The following NTM variants were observed in gnomAD, a reference collection of about 807,000 sequenced individuals.
NTM encodes the protein IgLON family member 2.
A neutral mutation model predicts 42.1 loss-of-function variants in NTM; 13 were observed. The ratio of observed to expected loss-of-function variants is 0.31; its 90% confidence interval spans 0.20 to 0.49. The LOEUF is 0.49. Among genes scored for constraint, NTM ranks in the 20% least tolerant of loss-of-function variants. The probability of loss-of-function intolerance (pLI) is 0.99; values close to 1 mark genes in which losing one functional copy is unlikely to be tolerated. For missense variants in NTM, 373 were observed against 452.8 expected (o/e 0.82, Z 1.60); for synonymous variants, 187 against 179.2 (o/e 1.04, Z -0.35).
intron 7 of NTM, among the ~76,000 whole-genome samples, chr11:132,326,578 C>T (rs777137283): frequency 6.6e-6 from 1 of 152,212 alleles, no homozygotes; most frequent in Non-Finnish European, 1.5e-5. Flanking sequence ...TGCCAACTTG[C>T]TACTCTGATT....
chr11:131,412,259 G>A (rs752070781), intron 1 of NTM, among the ~76,000 whole-genome samples: 8 of 152,082 alleles, frequency 5.3e-5, no homozygotes, highest in South Asian at 2.1e-4. Flanking sequence ...AAACAATGAC[G>A]GACTCAGCAG....
intron 3 of NTM, among the ~76,000 whole-genome samples, chr11:132,188,795 T>C (rs1462113527): frequency 2.6e-5 from 4 of 152,200 alleles, no homozygotes; most frequent in African/African-American, 7.2e-5. Flanking sequence ...TAAAGGCAAG[T>C]GCATTAACTG....
At chr11:131,605,093 CAAAA>C (rs372416946) in intron 1 of NTM, among the ~76,000 whole-genome samples, 3 of 142,926 alleles carry the variant, frequency 2.1e-5, no homozygotes, top group African/African-American at 7.7e-5. Context: ...TCAATTTCTG[CAAAA>C]AAAAAAGCCA....
chr11:131,644,819 T>C (rs868701244), intron 1 of NTM, among the ~76,000 whole-genome samples: 66 of 152,176 alleles, frequency 4.3e-4, no homozygotes, highest in African/African-American at 1.6e-3. Flanking sequence ...TTGTTTTGTT[T>C]TGTTTTCCTA....
chr11:132,281,638 A>T (rs921611145), intron 4 of NTM, among the ~76,000 whole-genome samples: 1 of 152,206 alleles, frequency 6.6e-6, no homozygotes, highest in East Asian at 1.9e-4. Context: ...ATTGTCCTTG[A>T]AGCTTGATTC....
intron 1 of NTM, among the ~76,000 whole-genome samples, chr11:131,446,708 A>G (rs1029659822): frequency 6.6e-6 from 1 of 152,206 alleles, no homozygotes; most frequent in Non-Finnish European, 1.5e-5. Flanking sequence ...GTTTGGGATC[A>G]AGTCAACTCT....
In NTM at chr11:131,768,167, G is replaced by C. The variant is rs186443204; in HGVS notation, c.83-143397G>C. On this transcript the variant is annotated intron_variant, in intron 1 of 8. Coordinates refer to ENST00000683400, the MANE Select transcript of NTM (RefSeq NM_001352005.2). ...GACGGAGTCTTGCTCTTGTCGCCCAGGCTGGAGTGCAATGGTGTGATCTCG... is the reference window on the plus strand; with the variant it reads ...GACGGAGTCTTGCTCTTGTCGCCCACGCTGGAGTGCAATGGTGTGATCTCG... Among the ~76,000 whole-genome samples the C allele has an allele frequency of 4.7e-5, 7 of 149,214 alleles. No homozygotes were observed. The East Asian group carries it at 1.4e-3, about 29-fold the overall frequency.
intron 1 of NTM, among the ~76,000 whole-genome samples, chr11:131,513,627 G>T (rs2048531887): frequency 6.6e-6 from 1 of 152,158 alleles, no homozygotes; most frequent in Non-Finnish European, 1.5e-5. Flanking sequence ...AAAGCGCTTT[G>T]AACTTTTTTA....
At chr11:131,848,154 G>C (rs1440907851) in intron 1 of NTM, among the ~76,000 whole-genome samples, 1 of 152,010 alleles carries the variant, frequency 6.6e-6, no homozygotes, top group African/African-American at 2.4e-5. Flanking sequence ...ATATAAAGTT[G>C]GTATGAAAGA....
intron 1 of NTM, among the ~76,000 whole-genome samples, chr11:131,434,092 C>T (rs921087661): frequency 6.6e-6 from 1 of 152,196 alleles, no homozygotes; most frequent in African/African-American, 2.4e-5. Context: ...ATGATGGTTT[C>T]CAGCTGCATC....
chr11:132,225,749 G>A (rs931593500), intron 4 of NTM, among the ~76,000 whole-genome samples: 1 of 151,898 alleles, frequency 6.6e-6, no homozygotes, highest in African/African-American at 2.4e-5. Context: ...TCTGGGATAC[G>A]TGTGCAGAAA....
chr11:132,205,624 T>A (rs2081879176), intron 3 of NTM, among the ~76,000 whole-genome samples: 1 of 152,132 alleles, frequency 6.6e-6, no homozygotes, highest in Non-Finnish European at 1.5e-5. Context: ...TTGGTATATT[T>A]TCTAGATTCA....
intron 2 of NTM, among the ~76,000 whole-genome samples, chr11:132,091,960 G>A (rs930358648): frequency 8.6e-5 from 13 of 152,024 alleles, no homozygotes; most frequent in African/African-American, 2.9e-4. Context: ...ACCATCATAC[G>A]AGAGCTCTCA....
At chr11:131,399,130 C>T (rs1030441517) in intron 1 of NTM, among the ~76,000 whole-genome samples, 3 of 152,232 alleles carry the variant, frequency 2.0e-5, no homozygotes, top group Non-Finnish European at 2.9e-5. Flanking sequence ...TTTAAAACTC[C>T]CCTCTTCTCC....
At chr11:131,914,054 CT>C (rs1565724721) in intron 2 of NTM, among the ~76,000 whole-genome samples, 1 of 152,192 alleles carries the variant, frequency 6.6e-6, no homozygotes, top group African/African-American at 2.4e-5. Context: ...CTGGGATGGA[CT>C]TTGGTGGGGT....
intron 2 of NTM, among the ~76,000 whole-genome samples, chr11:132,041,745 G>C (rs558278706): frequency 6.6e-6 from 1 of 152,284 alleles, no homozygotes; most frequent in East Asian, 1.9e-4. Context: ...AATGATAGTG[G>C]AATGACTGTG....
intron 1 of NTM, among the ~76,000 whole-genome samples, chr11:131,567,306 G>A (rs1297742151): frequency 6.6e-6 from 1 of 152,082 alleles, no homozygotes; most frequent in African/African-American, 2.4e-5. Context: ...GGCCAACATG[G>A]TGAAACCCCT....
chr11:131,627,297 G>A lies in NTM; in HGVS notation c.82+256409G>A, dbSNP rs182405879. On this transcript the variant is annotated intron_variant, in intron 1 of 8. Coordinates refer to ENST00000683400, the MANE Select transcript of NTM (RefSeq NM_001352005.2). ...GTGGAAAAAGAATATACACTGCCAC[G>A]TTTGAGAGCAGAGGAATGTCTGAGG... Among the ~76,000 whole-genome samples the A allele has an allele frequency of 1.7e-3, 261 of 151,672 alleles. 1 individual carries two copies. Among genetic ancestry groups the A allele is most frequent in the Non-Finnish European group, 3.1e-3 (213 of 67,948 alleles).
intron 1 of NTM, among the ~76,000 whole-genome samples, chr11:131,712,755 T>C (rs1331310775): frequency 6.6e-6 from 1 of 152,104 alleles, no homozygotes; most frequent in Non-Finnish European, 1.5e-5. Context: ...GCCTAATTTT[T>C]GTATTTTTTG....
Sources: allele counts gnomAD v4.1 joint callset (sites outside exome capture counted in the v4.1 genomes callset), GRCh38; gene constraint gnomAD v4.1.1; transcripts MANE v1.5; gene names NCBI Gene and HGNC (gene_info 2026-07-23, HGNC 2026-07-21).